TRAPPC9: variants seen among roughly 807,000 people sequenced by gnomAD.
TRAPPC9 encodes trafficking protein particle complex subunit 9.
TRAPPC9 carries 83 observed loss-of-function variants against 124.0 expected under a neutral mutation model. The observed-to-expected ratio is 0.67, with a 90% CI of 0.56 to 0.80. The LOEUF is 0.80. Among genes scored for constraint, TRAPPC9 ranks in the 30% least tolerant of loss-of-function variants. TRAPPC9 has a pLI of 0.00. For missense variants in TRAPPC9, 1,302 were observed against 1,508.3 expected (o/e 0.86, Z 2.27); for synonymous variants, 638 against 617.5 (o/e 1.03, Z -0.49).
At chr8:140,315,543 T>C (rs1402759074) in intron 9 of TRAPPC9, among the ~76,000 whole-genome samples, 2 of 152,160 alleles carry the variant, frequency 1.3e-5, no homozygotes, top group East Asian at 3.8e-4. Context: ...GAAATATTGT[T>C]TGGAAAATTA....
chr8:140,223,266 C>T lies in TRAPPC9; in HGVS notation c.2432-1683G>A, dbSNP rs139946285. 2.7e-3 allele frequency among the ~76,000 whole-genome samples: 412 copies of T among 152,268 alleles called. 5 individuals carry two copies. The highest frequency in any genetic ancestry group is 4.1e-3 in the Non-Finnish European group (277 of 68,038). On this transcript the variant is annotated intron_variant, in intron 16 of 22. Coordinates refer to ENST00000438773, the MANE Select transcript of TRAPPC9 (RefSeq NM_001160372.4). ...GCTTCCACTTGTAAGACAGAACATG[C>T]GGTGTTTGGTTTTCTGCTCCTGCGT...
At chr8:139,846,308 C>A (rs1393988821) in intron 21 of TRAPPC9, among the ~76,000 whole-genome samples, 1 of 152,196 alleles carries the variant, frequency 6.6e-6, no homozygotes, top group African/African-American at 2.4e-5. Flanking sequence ...CCCCCACCCC[C>A]CGCAGCAGGC....
chr8:140,015,104 A>G (rs1215685653), intron 18 of TRAPPC9, among the ~76,000 whole-genome samples: 1 of 152,270 alleles, frequency 6.6e-6, no homozygotes. Flanking sequence ...GCAGTAAAGT[A>G]GTCCTTTGAC....
At chr8:139,889,163 G>C (rs908145709) in intron 20 of TRAPPC9, among the ~76,000 whole-genome samples, 1 of 152,184 alleles carries the variant, frequency 6.6e-6, no homozygotes, top group Non-Finnish European at 1.5e-5. Context: ...GATGAACCTT[G>C]AGGACATTAT....
intron 7 of TRAPPC9, among the ~76,000 whole-genome samples, chr8:140,376,383 C>T (rs371547001): frequency 1.3e-5 from 2 of 151,686 alleles, no homozygotes; most frequent in African/African-American, 4.8e-5. Flanking sequence ...AGTGAAACCC[C>T]GTCTCTACTA....
chr8:140,425,139 G>A (rs748337919), intron 5 of TRAPPC9, among the ~76,000 whole-genome samples: 1 of 152,214 alleles, frequency 6.6e-6, no homozygotes, highest in Non-Finnish European at 1.5e-5. Flanking sequence ...AGACAGATAT[G>A]ATTTCAGTAG....
chr8:139,870,195 C>T (rs1828811571), intron 21 of TRAPPC9, among the ~76,000 whole-genome samples: 1 of 152,086 alleles, frequency 6.6e-6, no homozygotes, highest in African/African-American at 2.4e-5. Context: ...TGACTTGGGG[C>T]CAATTAGGTG....
chr8:140,430,785 C>T lies in TRAPPC9; in HGVS notation c.860-4144G>A, dbSNP rs966661176. 3.9e-5 allele frequency among the ~76,000 whole-genome samples: 6 copies of T among 152,146 alleles called. No homozygotes were observed. In the South Asian group the frequency reaches 6.2e-4, roughly 16 times the overall value. ...TCTTGAGTAGCTGGGACTACAGGCA[C>T]GCGCCAACATCCCAGGCTAATTTTT... is the stretch of plus-strand genomic sequence containing the variant. On this transcript the variant is annotated intron_variant, in intron 4 of 22. Transcript: ENST00000438773.
Position 139,788,661 on chromosome 8 carries a change from C to A in TRAPPC9, c.3056-56459G>T, listed in dbSNP as rs1822444056. ...GCTGGCCCTGGGCACACGCTTTGTT[C>A]TCCCACCTCCCTCCTGACGGCCACG... On this transcript the variant is annotated intron_variant, in intron 21 of 22. Coordinates refer to ENST00000438773, the MANE Select transcript of TRAPPC9 (RefSeq NM_001160372.4). The surrounding 1 kb of genome is among the most constrained non-coding windows in gnomAD (Gnocchi z 4.9). Among the ~76,000 whole-genome samples, 3 of 152,190 alleles carry A rather than the reference C, an allele frequency of 2.0e-5. No homozygotes were observed. The highest frequency in any genetic ancestry group is 1.3e-4 in the Admixed American group (2 of 15,288).
At chr8:139,929,265 A>C (rs141745953) in intron 19 of TRAPPC9, among the ~76,000 whole-genome samples, 2 of 152,336 alleles carry the variant, frequency 1.3e-5, no homozygotes, top group East Asian at 1.9e-4. Context: ...CGATGTCTCT[A>C]AAGTCTTACA....
chr8:140,347,294 C>T (rs759184508), intron 9 of TRAPPC9, among the ~76,000 whole-genome samples: 1 of 152,220 alleles, frequency 6.6e-6, no homozygotes, highest in Non-Finnish European at 1.5e-5. Flanking sequence ...TGCCTCAGGC[C>T]TTCTGGATCC....
At chr8:139,860,477 A>G in intron 21 of TRAPPC9, among the ~76,000 whole-genome samples, 1 of 152,226 alleles carries the variant, frequency 6.6e-6, no homozygotes, top group East Asian at 1.9e-4. Flanking sequence ...CCCCAATGCC[A>G]GGATCTAGGC....
At chr8:139,777,032 C>G (rs1821440663) in intron 21 of TRAPPC9, among the ~76,000 whole-genome samples, 1 of 152,194 alleles carries the variant, frequency 6.6e-6, no homozygotes, top group Non-Finnish European at 1.5e-5. Context: ...GGCCCTTCCA[C>G]TCTTCACACA....
intron 20 of TRAPPC9, among the ~76,000 whole-genome samples, chr8:139,891,628 G>A (rs1370671710): frequency 1.3e-5 from 2 of 152,204 alleles, no homozygotes; most frequent in South Asian, 4.1e-4. Flanking sequence ...GCTGCACCCT[G>A]CTCCCCGCTG....
At position 139,731,966 on chromosome 8, in the gene TRAPPC9, C is replaced by T. The variant is rs760166093; in HGVS notation, c.3279+13G>A. 1.3e-6 allele frequency: 2 copies of T among 1,560,822 alleles called. No homozygotes were observed. Among genetic ancestry groups the T allele is most frequent in the Non-Finnish European group, 1.7e-6 (2 of 1,151,710 alleles). On this transcript the variant is annotated intron_variant, in intron 22 of 22. Coordinates refer to ENST00000438773, the MANE Select transcript of TRAPPC9 (RefSeq NM_001160372.4). ...CCAGAGGCTCCCAGACCGCCTTGCA[C>T]ACCACCACGCACCGCGTCGAGGTAG... is the stretch of plus-strand genomic sequence containing the variant.
chr8:140,089,952 C>T (rs940046840), intron 17 of TRAPPC9, among the ~76,000 whole-genome samples: 7 of 152,112 alleles, frequency 4.6e-5, no homozygotes, highest in East Asian at 1.9e-4. Context: ...TGGCGGTGCA[C>T]GCCTGTAGTC....
At chr8:140,274,517 T>C (rs950355300) in intron 15 of TRAPPC9, among the ~76,000 whole-genome samples, 1 of 152,224 alleles carries the variant, frequency 6.6e-6, no homozygotes, top group Admixed American at 6.5e-5. Context: ...CTTTACTTCC[T>C]ACAGACACAG....
rs754409482 is a variant in TRAPPC9, at chr8:139,958,415, T to C, written c.2810+30311A>G. Among the ~76,000 whole-genome samples, 168 of 152,054 alleles carry C rather than the reference T, an allele frequency of 1.1e-3. 4 individuals are homozygous for C. The highest frequency in any genetic ancestry group is 9.3e-4 in the Non-Finnish European group (63 of 68,010). On this transcript the variant is annotated intron_variant, in intron 19 of 22. Coordinates refer to ENST00000438773, the MANE Select transcript of TRAPPC9 (RefSeq NM_001160372.4). ...TCAGATGTCTCCATGAGACTCACAG[T>C]CTTTGCCGACCCCAGTTTCCAGGTG...
chr8:140,102,551 T>C (rs1201786825), intron 17 of TRAPPC9, among the ~76,000 whole-genome samples: 2 of 152,156 alleles, frequency 1.3e-5, no homozygotes, highest in African/African-American at 2.4e-5. Context: ...TAGTTTACCA[T>C]GTTCTCTCCC....
Sources: allele counts gnomAD v4.1 joint callset (sites outside exome capture counted in the v4.1 genomes callset), GRCh38; gene constraint gnomAD v4.1.1; non-coding constraint Gnocchi (gnomAD v3.1); transcripts MANE v1.5; gene names NCBI Gene and HGNC (gene_info 2026-07-23, HGNC 2026-07-21).